MICAL3: variants seen among roughly 807,000 people sequenced by gnomAD.
MICAL3 encodes [F-actin]-monooxygenase MICAL3.
MICAL3 carries 62 observed loss-of-function variants against 207.4 expected under a neutral mutation model. The ratio of observed to expected loss-of-function variants is 0.30; its 90% CI spans 0.24 to 0.37. The LOEUF (loss-of-function observed/expected upper bound fraction) is 0.37, where lower values mean the gene tolerates loss of function less well. Ranked by LOEUF, MICAL3 falls within the 10% of genes least tolerant of loss-of-function variation. The pLI is 1.00. For synonymous variants in MICAL3, 1,077 were observed against 1,069.3 expected (o/e 1.01, Z -0.14); for missense variants, 2,368 against 2,635.6 (o/e 0.90, Z 2.22).
intron 27 of MICAL3, chr22:17,813,413 T>G (rs2062069374): frequency 6.6e-6 from 1 of 152,220 alleles, no homozygotes; most frequent in African/African-American, 2.4e-5. Context: ...TGGGGCGGCC[T>G]TGTGCGGAGC....
chr22:17,832,521 C>T (rs1922912145), intron 20 of MICAL3, among the ~76,000 whole-genome samples: 1 of 152,180 alleles, frequency 6.6e-6, no homozygotes, highest in African/African-American at 2.4e-5. Context: ...CCCCATCCCT[C>T]AGGGTGCTTC....
At chr22:17,891,656 A>G (rs1372922171) in intron 11 of MICAL3, 24 bp from the exon 12 acceptor site, 2 of 1,609,854 alleles carry the variant, frequency 1.2e-6, no homozygotes, top group Non-Finnish European at 1.7e-6. Context: ...ACACAGTATT[A>G]TTGGAGGTGT....
intron 1 of MICAL3, among the ~76,000 whole-genome samples, chr22:18,010,698 G>A (rs446764): frequency 0.017 from 2,583 of 152,254 alleles, 84 homozygotes; most frequent in African/African-American, 0.059. Context: ...GAGATTTTCA[G>A]GCAAAGCACC....
chr22:17,869,427 A>G (rs1927493510), intron 17 of MICAL3, among the ~76,000 whole-genome samples: 1 of 152,166 alleles, frequency 6.6e-6, no homozygotes, highest in South Asian at 2.1e-4. Flanking sequence ...GCCACCCTGC[A>G]CACACCACCT....
chr22:18,006,847 A>C (rs12160214), intron 1 of MICAL3, among the ~76,000 whole-genome samples: 13,238 of 152,174 alleles, frequency 0.087, 941 homozygotes, highest in African/African-American at 0.2. Flanking sequence ...CACACACACA[A>C]AAAAATTCTG....
chr22:17,896,240 C>T lies in MICAL3; in HGVS notation c.1322+6G>A. 1 of 1,534,040 alleles carries T rather than the reference C, an allele frequency of 6.5e-7. No individual in the cohort carries two copies. Among genetic ancestry groups the T allele is most frequent in the Non-Finnish European group, 8.8e-7 (1 of 1,130,330 alleles). On this transcript the variant is annotated splice_donor_region_variant and intron_variant, in intron 9 of 31. Coordinates refer to ENST00000441493, the MANE Select transcript of MICAL3 (RefSeq NM_015241.3). ...ATGAAAGGAACCCCGGGTTACTTCCCATTACCTCTCTGCCAGCACTTCCAA... is the reference window on the plus strand; with the variant it reads ...ATGAAAGGAACCCCGGGTTACTTCCTATTACCTCTCTGCCAGCACTTCCAA...
intron 20 of MICAL3, among the ~76,000 whole-genome samples, chr22:17,832,405 C>G (rs1922898837): frequency 6.6e-6 from 1 of 152,200 alleles, no homozygotes; most frequent in Admixed American, 6.5e-5. Context: ...GCCTGTGGGT[C>G]TGGCCCAGCC....
intron 20 of MICAL3, among the ~76,000 whole-genome samples, chr22:17,833,963 T>C (rs145138793): frequency 6.6e-6 from 1 of 152,290 alleles, no homozygotes; most frequent in East Asian, 1.9e-4. Context: ...CTCACTGACA[T>C]CTGTACCCTT....
chr22:17,850,414 T>TTTTTG (rs1925194009), intron 19 of MICAL3, among the ~76,000 whole-genome samples: 1 of 131,028 alleles, frequency 7.6e-6, no homozygotes, highest in African/African-American at 3.1e-5. Context: ...TTTTTTTTTT[T>TTTTTG]TTTTTTTTTT....
At chr22:17,862,591 GAA>G (rs1405590814) in intron 19 of MICAL3, 1 of 985,258 alleles carries the variant, frequency 1.0e-6, no homozygotes, top group African/African-American at 1.7e-5. Context: ...TTTTCAAAAG[GAA>G]GTCTAGTTAA....
rs1931339750 is a variant in MICAL3 at position 17,901,773 on chromosome 22, G to A, written c.691+105C>T. 4.0e-6 allele frequency: 3 copies of A among 741,544 alleles called. No homozygotes were observed. In the South Asian group the frequency reaches 6.6e-5, roughly 16 times the overall value. The allele number at this position is 741,544 out of a possible 1,614,324, so 45.9% of individuals were successfully genotyped here. A position where few individuals can be genotyped will look rare whatever the true frequency, so the allele number is the denominator to read the frequency against. ...ATCAGGGCAGGAAGCACACATTCAGGCTCTCAAAAGGGTGGACGCTGGTCA... is the reference window on the plus strand; with the variant it reads ...ATCAGGGCAGGAAGCACACATTCAGACTCTCAAAAGGGTGGACGCTGGTCA... On this transcript the variant is annotated intron_variant, in intron 5 of 31. Transcript: ENST00000441493.
intron 1 of MICAL3, among the ~76,000 whole-genome samples, chr22:17,929,814 C>G (rs1329712715): frequency 6.6e-6 from 1 of 152,176 alleles, no homozygotes; most frequent in Non-Finnish European, 1.5e-5. Context: ...GTGATCCACC[C>G]GCCTTGGCCT....
At chr22:17,894,854 T>C (rs962100455) in intron 10 of MICAL3, among the ~76,000 whole-genome samples, 2 of 152,142 alleles carry the variant, frequency 1.3e-5, no homozygotes, top group East Asian at 1.9e-4. Flanking sequence ...ACAATCTCTT[T>C]TGTCCTCACA....
chr22:17,919,677 G>C (rs537563016), intron 1 of MICAL3, among the ~76,000 whole-genome samples: 1 of 152,332 alleles, frequency 6.6e-6, no homozygotes, highest in African/African-American at 2.4e-5. Context: ...GCCCAGCGGG[G>C]GAGGTGCTCC....
intron 1 of MICAL3, among the ~76,000 whole-genome samples, chr22:17,916,054 T>TC (rs1326748653): frequency 1.4e-4 from 5 of 34,774 alleles, no homozygotes. Flanking sequence ...AGATCCAGTC[T>TC]CAAAAAAAAA....
chr22:17,957,118 G>A (rs929149899), intron 1 of MICAL3, among the ~76,000 whole-genome samples: 3 of 152,166 alleles, frequency 2.0e-5, no homozygotes, highest in Admixed American at 6.5e-5. Context: ...CGGCAGCCAT[G>A]CTTTGTTATG....
chr22:17,797,978 C>T (rs2061894802), intron 29 of MICAL3, among the ~76,000 whole-genome samples: 1 of 152,200 alleles, frequency 6.6e-6, no homozygotes, highest in African/African-American at 2.4e-5. Context: ...GGCACCATCA[C>T]CACAGAGCTG....
At chr22:17,862,997 ACT>A in intron 19 of MICAL3, 1 of 980,614 alleles carries the variant, frequency 1.0e-6, no homozygotes, top group Non-Finnish European at 1.2e-6. Flanking sequence ...CAGGGCTCTG[ACT>A]CTTTCTTGGT....
chr22:17,906,819 T>C lies in MICAL3; in HGVS notation c.-7A>G. Reference sequence around the variant, plus strand: ...CATGCTTCCTCTCCTCCATGCTGCCTCACTCTCAGCACTCCCCAGAGGGGG... The same window carrying C: ...CATGCTTCCTCTCCTCCATGCTGCCCCACTCTCAGCACTCCCCAGAGGGGG... On this transcript the variant is annotated 5_prime_UTR_variant, in exon 2 of 32. Transcript: ENST00000441493. 1 of 1,591,790 alleles carries C rather than the reference T, an allele frequency of 6.3e-7. No individual in the cohort carries two copies. The highest frequency in any genetic ancestry group is 1.3e-5 in the African/African-American group (1 of 74,576).
Sources: gnomAD v4.1 joint callset for allele counts (sites outside exome capture counted in the v4.1 genomes callset) on GRCh38, gnomAD v4.1.1 for gene constraint, MANE v1.5 for transcripts, NCBI Gene and HGNC (gene_info 2026-07-23, HGNC 2026-07-21) for gene names.